Variants in PLAC1 observed in about 807,000 individuals in gnomAD.
The protein encoded by PLAC1 is placenta-specific protein 1.
For synonymous variants in PLAC1, 68 were observed against 62.1 expected (o/e 1.09, Z -0.44); for missense variants, 136 against 163.2 (o/e 0.83, Z 0.91).
chrX:134,724,393 C>G (rs896523053), intron 2 of PLAC1, among the ~76,000 whole-genome samples: 1 of 112,040 alleles, frequency 8.9e-6, no homozygotes, highest in African/African-American at 3.2e-5. Context: ...CATGATAAGG[C>G]CCTCAGAATC....
intron 2 of PLAC1, among the ~76,000 whole-genome samples, chrX:134,591,736 G>A (rs140817609): frequency 0.019 from 2,187 of 112,332 alleles, 65 homozygotes; most frequent in African/African-American, 0.066. Context: ...GTTTTCCAGA[G>A]TGGCTGTAGC....
In PLAC1 at chrX:134,762,821, C is replaced by CAA. The variant is rs60721487; in HGVS notation, n.89+1411_89+1412dup. Among the ~76,000 whole-genome samples the CAA allele has an allele frequency of 2.3e-3, 34 of 14,813 alleles. 5 individuals are homozygous for CAA. Among genetic ancestry groups the CAA allele is most frequent in the Non-Finnish European group, 4.2e-3 (24 of 5,712 alleles). The allele number at this position is 14,813 out of a possible 115,157, so 12.9% of individuals were successfully genotyped here. Reference sequence around the variant, plus strand: ...TGGGTGACAGAATGAGGCTCTATCTCAAAAAAAAAAAAAAAAAAAAAAAAA... The same window carrying CAA: ...TGGGTGACAGAATGAGGCTCTATCTCAAAAAAAAAAAAAAAAAAAAAAAAAAA... On this transcript the variant is annotated intron_variant and non_coding_transcript_variant, in intron 1 of 2. Coordinates refer to the PLAC1 transcript ENST00000466797.
intron 2 of PLAC1, among the ~76,000 whole-genome samples, chrX:134,722,082 A>C (rs1450649813): frequency 2.7e-5 from 3 of 110,435 alleles, no homozygotes; most frequent in African/African-American, 9.9e-5. Context: ...CTTGTAAATC[A>C]ATGTGTTCTT....
At position 134,642,692 on chromosome X, in the gene PLAC1, T is replaced by G. The variant is rs768975142; in HGVS notation, c.-131+15636A>C. Among the ~76,000 whole-genome samples the G allele has an allele frequency of 6.6e-4, 73 of 110,991 alleles. 1 individual carries two copies. The highest frequency in any genetic ancestry group is 2.3e-3 in the African/African-American group (70 of 30,550). ...GTGAAAGGGAAGGGGGAAAGGATATTCTAGACAGATGAGCTTTGCAGGAGT... is the reference window on the plus strand; with the variant it reads ...GTGAAAGGGAAGGGGGAAAGGATATGCTAGACAGATGAGCTTTGCAGGAGT... On this transcript the variant is annotated intron_variant, in intron 1 of 2. Transcript: ENST00000359237.
rs1327068659 is a variant in PLAC1, at chrX:134,750,944, TAA to T, written n.89+13288_89+13289del. Among the ~76,000 whole-genome samples the T allele has an allele frequency of 5.1e-5, 2 of 39,068 alleles. 1 individual carries two copies. Among genetic ancestry groups the T allele is most frequent in the African/African-American group, 3.6e-4 (2 of 5,569 alleles). 33.9% of individuals were successfully genotyped at this position (39,068 alleles called of 115,157 possible). A position where few individuals can be genotyped will look rare whatever the true frequency, so the allele number is the denominator to read the frequency against. On this transcript the variant is annotated intron_variant and non_coding_transcript_variant, in intron 1 of 2. Transcript: ENST00000466797. ...ATATATTTTTATATATATATATTTA[TAA>T]ATATATATATATATATTTATATATA... is the stretch of plus-strand genomic sequence containing the variant.
chrX:134,682,808 G>A (rs754527723), intron 2 of PLAC1, among the ~76,000 whole-genome samples: 54 of 110,980 alleles, frequency 4.9e-4, no homozygotes, highest in African/African-American at 1.7e-3. Flanking sequence ...TGCCCCCCTC[G>A]GCCTCCCAAA....
intron 2 of PLAC1, among the ~76,000 whole-genome samples, chrX:134,731,171 C>A (rs932117595): frequency 8.9e-6 from 1 of 112,141 alleles, no homozygotes; most frequent in Non-Finnish European, 1.9e-5. Context: ...ACTTCACAAC[C>A]TATGCTCTGT....
intron 2 of PLAC1, among the ~76,000 whole-genome samples, chrX:134,706,329 C>T (rs1378292603): frequency 1.8e-5 from 2 of 112,243 alleles, no homozygotes; most frequent in Non-Finnish European, 3.8e-5. Flanking sequence ...GAAGCTGTGA[C>T]TGTAATAAAT....
At chrX:134,583,641 G>A (rs2077985730) in intron 2 of PLAC1, among the ~76,000 whole-genome samples, 1 of 110,262 alleles carries the variant, frequency 9.1e-6, no homozygotes, top group African/African-American at 3.3e-5. Context: ...CACGTACAGG[G>A]CCTGGCACAG....
At chrX:134,651,634 C>T (rs1261712672) in intron 1 of PLAC1, among the ~76,000 whole-genome samples, 2 of 111,072 alleles carry the variant, frequency 1.8e-5, no homozygotes, top group Non-Finnish European at 3.8e-5. Flanking sequence ...ATGGGTTCTC[C>T]CAACTGTCCC....
chrX:134,585,070 G>T (rs1265074205), intron 2 of PLAC1, among the ~76,000 whole-genome samples: 2 of 107,061 alleles, frequency 1.9e-5, no homozygotes, highest in Middle Eastern at 4.9e-3. Flanking sequence ...GGTGGCTCAC[G>T]CCTGTAATCC....
At chrX:134,708,378 A>G (rs755253501) in intron 2 of PLAC1, among the ~76,000 whole-genome samples, 6 of 111,190 alleles carry the variant, frequency 5.4e-5, no homozygotes, top group Non-Finnish European at 9.4e-5. Flanking sequence ...AAAGTCACAT[A>G]CTGTATTATT....
intron 2 of PLAC1, among the ~76,000 whole-genome samples, chrX:134,690,703 C>T (rs1186745825): frequency 4.7e-5 from 5 of 107,352 alleles, no homozygotes; most frequent in East Asian, 2.9e-4. Context: ...GAGGCTGAGG[C>T]GGGTGGATCA....
At chrX:134,616,711 A>G (rs2078183998) in intron 1 of PLAC1, among the ~76,000 whole-genome samples, 1 of 111,851 alleles carries the variant, frequency 8.9e-6, no homozygotes, top group South Asian at 3.8e-4. Context: ...CACAAATTTT[A>G]GAATTGTTTT....
At chrX:134,624,945 GAT>G (rs1363293735) in intron 1 of PLAC1, among the ~76,000 whole-genome samples, 1 of 111,440 alleles carries the variant, frequency 9.0e-6, no homozygotes, top group African/African-American at 3.3e-5. Flanking sequence ...TAGATAGATA[GAT>G]AGATAGGAGA....
chrX:134,569,910 C>T (rs7885644), intron 2 of PLAC1, among the ~76,000 whole-genome samples: 60 of 110,327 alleles, frequency 5.4e-4, no homozygotes, highest in Non-Finnish European at 1.0e-3. Flanking sequence ...ACTGCAACCT[C>T]CGCCTCCTGG....
intron 2 of PLAC1, among the ~76,000 whole-genome samples, chrX:134,568,709 A>C (rs1417611655): frequency 9.0e-6 from 1 of 111,706 alleles, no homozygotes. Flanking sequence ...AAAAATCCCC[A>C]AAACAAACAA....
rs541600663 is a variant in PLAC1 at position 134,611,659 on chromosome X, G to A, written c.-130-9537C>T. Reference sequence around the variant, plus strand: ...AGAGGTGTAACTGAATTAAAATTTCGCAAAAGAATGAATAAGAGTTCAATG... The same window carrying A: ...AGAGGTGTAACTGAATTAAAATTTCACAAAAGAATGAATAAGAGTTCAATG... On this transcript the variant is annotated intron_variant, in intron 1 of 2. Transcript: ENST00000359237. Among the ~76,000 whole-genome samples the A allele has an allele frequency of 5.5e-5, 6 of 109,723 alleles. No individual in the cohort carries two copies. The South Asian group carries it at 1.6e-3, about 29-fold the overall frequency.
At chrX:134,622,917 A>C (rs1218352960) in intron 1 of PLAC1, among the ~76,000 whole-genome samples, 1 of 111,704 alleles carries the variant, frequency 9.0e-6, no homozygotes, top group Non-Finnish European at 1.9e-5. Flanking sequence ...CTGTTTTGGG[A>C]ATGTGGCCCA....
Sources: gnomAD v4.1 joint callset for allele counts (sites outside exome capture counted in the v4.1 genomes callset) on GRCh38, gnomAD v4.1.1 for gene constraint, MANE v1.5 for transcripts, NCBI Gene and HGNC (gene_info 2026-07-23, HGNC 2026-07-21) for gene names.